Variants in ERMP1 observed in about 807,000 individuals in gnomAD.
ERMP1 encodes Felix-ina.
A neutral mutation model predicts 92.0 loss-of-function variants in ERMP1; 86 were observed. The ratio of observed to expected loss-of-function variants is 0.93; its 90% CI spans 0.79 to 1.12. The LOEUF (loss-of-function observed/expected upper bound fraction) is 1.12. ERMP1 is among the 50% of genes most tolerant of loss of function. ERMP1 has a pLI of 0.00. For missense variants in ERMP1, 1,342 were observed against 1,116.3 expected, an observed-to-expected ratio of 1.20 and a Z score of -2.88; for synonymous variants, 530 against 412.8, an observed-to-expected ratio of 1.28 and a Z score of -3.44.
At chr9:5,834,509 C>G (rs1409889008), upstream of ERMP1, among the ~76,000 whole-genome samples, 2 of 152,122 alleles carry the variant, frequency 1.3e-5, no homozygotes, top group Admixed American at 6.5e-5. Context: ...ATAGATATTT[C>G]TTGAGTGAAT....
intron 13 of ERMP1, among the ~76,000 whole-genome samples, chr9:5,789,706 C>G (rs527448219): frequency 6.6e-6 from 1 of 152,156 alleles, no homozygotes; most frequent in Non-Finnish European, 1.5e-5. Context: ...GTGAACACAG[C>G]AGCCCACTGC....
In ERMP1 at chr9:5,811,125, T is replaced by C. The variant is rs1563759189; in HGVS notation, c.1313A>G (p.Gln438Arg). 2 of 1,613,412 alleles carry C rather than the reference T, an allele frequency of 1.2e-6. No individual in the cohort carries two copies. Among genetic ancestry groups the C allele is most frequent in the African/African-American group, 1.3e-5 (1 of 74,926 alleles). ...VVLYLGKKFL[Q>R]PKHKTGNYKK... ...AAAATACTTACTCTTATGTTTGGGC[T>C]GCAAAAATTTTTTGCCCAGGTACAA... Residue 438 changes from glutamine to arginine, a missense_variant, in exon 7 of 15, where the codon CAG becomes CGG. Transcript: ENST00000339450.
intron 2 of ERMP1, among the ~76,000 whole-genome samples, chr9:5,829,402 T>C (rs1276576782): frequency 6.6e-6 from 1 of 152,178 alleles, no homozygotes; most frequent in East Asian, 1.9e-4. Flanking sequence ...AGCAAATAAA[T>C]TTTACTTACA....
chr9:5,791,625 GCAAA>G (rs1828201516), intron 13 of ERMP1, among the ~76,000 whole-genome samples: 2 of 152,124 alleles, frequency 1.3e-5, no homozygotes, highest in Admixed American at 6.5e-5. Flanking sequence ...CACCTCACAA[GCAAA>G]CAAACTCTTT....
chr9:5,795,863 T>C (rs561894744), intron 13 of ERMP1, among the ~76,000 whole-genome samples: 2 of 152,200 alleles, frequency 1.3e-5, no homozygotes, highest in East Asian at 3.9e-4. Context: ...ATCTCCTAGA[T>C]CTAATAAGTG....
chr9:5,826,154 G>A (rs1402703270), intron 2 of ERMP1, among the ~76,000 whole-genome samples: 4 of 152,240 alleles, frequency 2.6e-5, no homozygotes, highest in African/African-American at 4.8e-5. Context: ...TCAGACTGCT[G>A]AAGCTGGGAG....
rs73390152 is a variant in ERMP1, at chr9:5,796,265, T to C, written c.2386+1552A>G. Among the ~76,000 whole-genome samples the C allele has an allele frequency of 5.3e-3, 801 of 152,176 alleles. 8 individuals are homozygous for C. Among genetic ancestry groups the C allele is most frequent in the African/African-American group, 0.018 (751 of 41,506 alleles). ...AAAACACAATTCTGGAGAAGAAGAG[T>C]TGGAAGACTGATACTACCCAACTTC... On this transcript the variant is annotated intron_variant, in intron 13 of 14. Coordinates refer to ENST00000339450, the MANE Select transcript of ERMP1 (RefSeq NM_024896.3).
intron 8 of ERMP1, among the ~76,000 whole-genome samples, chr9:5,806,894 G>A (rs534451763): frequency 5.3e-5 from 8 of 152,242 alleles, no homozygotes; most frequent in African/African-American, 1.2e-4. Context: ...TTTCTGTGAC[G>A]TGTTTTCAAA....
At chr9:5,801,056 TG>T in intron 11 of ERMP1, 119 bp downstream of exon 11, 1 of 966,926 alleles carries the variant, frequency 1.0e-6, no homozygotes, top group Non-Finnish European at 1.5e-6. Flanking sequence ...ACAAAAAAGG[TG>T]AGTATGACTA....
In ERMP1 at chr9:5,805,211, T is replaced by C. The variant is rs777829058; in HGVS notation, c.1730A>G (p.Gln577Arg). Residue 577 changes from glutamine (Q) to arginine (R), a missense_variant, in exon 10 of 15, where the codon CAA becomes CGA. Physicochemically the swap from Gln to Arg is conservative, Grantham distance 43. Transcript: ENST00000339450. ...VHKDFKQHGA[Q>R]GKFIAFYLLG... ...AAGGTAAAAAGCAATAAATTTTCCT[T>C]GGGCACCTAGGGAAAAAGAGAAAAA... 6.2e-7 allele frequency: 1 copy of C among 1,603,924 alleles called. No individual in the cohort carries two copies. Among genetic ancestry groups the C allele is most frequent in the Admixed American group, 1.7e-5 (1 of 57,246 alleles).
intron 13 of ERMP1, among the ~76,000 whole-genome samples, chr9:5,792,329 TAGAA>T (rs1176841795): frequency 6.6e-6 from 1 of 152,130 alleles, no homozygotes; most frequent in African/African-American, 2.4e-5. Context: ...AAGAATATCC[TAGAA>T]AGAAGTTTTA....
At chr9:5,848,327 G>A (rs191688559) in intron 6 of ERMP1, among the ~76,000 whole-genome samples, 1 of 152,270 alleles carries the variant, frequency 6.6e-6, no homozygotes, top group East Asian at 1.9e-4. Context: ...GAGTGGCCAC[G>A]AGATGCAGAC....
Position 5,810,122 on chromosome 9 carries a change from T to G in ERMP1, c.1437A>C (p.Gly479=), listed in dbSNP as rs994821520. Residue 479 remains glycine, a synonymous_variant, in exon 8 of 15, where the codon GGA becomes GGC. Transcript: ENST00000339450. ...LIIAVFISLI[G]QSLSWYNHFY... Reference sequence around the variant, plus strand: ...AGTGGTTATACCATGAGAGAGACTGTCCAATAAGAGAGATGAACACTGCTA... The same window carrying G: ...AGTGGTTATACCATGAGAGAGACTGGCCAATAAGAGAGATGAACACTGCTA... 1.2e-6 allele frequency: 2 copies of G among 1,613,744 alleles called. No homozygotes were observed. The highest frequency in any genetic ancestry group is 1.7e-6 in the Non-Finnish European group (2 of 1,179,810).
At chr9:5,850,427 A>AAAAAAAGAAG (rs142972934) in intron 6 of ERMP1, among the ~76,000 whole-genome samples, 1 of 144,540 alleles carries the variant, frequency 6.9e-6, no homozygotes, top group African/African-American at 2.5e-5. Flanking sequence ...AAAAAAAAAA[A>AAAAAAAGAAG]AAGAAGAAGA....
At chr9:5,845,433 T>A (rs1830223459) in intron 6 of ERMP1, among the ~76,000 whole-genome samples, 1 of 151,972 alleles carries the variant, frequency 6.6e-6, no homozygotes, top group African/African-American at 2.4e-5. Flanking sequence ...TTTCTTAAAG[T>A]TTGAGGGAGT....
chr9:5,833,267 C>T (rs1169689183), upstream of ERMP1: 1 of 474,600 alleles, frequency 2.1e-6, no homozygotes, highest in African/African-American at 2.0e-5. Context: ...TCCCGCAGGG[C>T]TTTTCCAGCC....
chr9:5,809,189 T>G (rs1263322772), intron 8 of ERMP1, among the ~76,000 whole-genome samples: 1 of 151,272 alleles, frequency 6.6e-6, no homozygotes. Context: ...CCCGGCTAAT[T>G]TTTTGTATTT....
chr9:5,858,719 C>T (rs972338589), intron 6 of ERMP1, among the ~76,000 whole-genome samples: 1 of 152,192 alleles, frequency 6.6e-6, no homozygotes, highest in East Asian at 1.9e-4. Context: ...TGCATGGCCC[C>T]CTTTTCCTTC....
At chr9:5,831,109 T>C (rs1829921794) in intron 1 of ERMP1, 81 bp from the exon 2 acceptor site, 1 of 1,088,496 alleles carries the variant, frequency 9.2e-7, no homozygotes. Flanking sequence ...TACACACCCC[T>C]TCCTCCCCAA....
Sources: allele counts gnomAD v4.1 joint callset (sites outside exome capture counted in the v4.1 genomes callset), GRCh38; gene constraint gnomAD v4.1.1; transcripts MANE v1.5; gene names NCBI Gene and HGNC (gene_info 2026-07-23, HGNC 2026-07-21).